FMNL3: variants seen among roughly 807,000 people sequenced by gnomAD.
FMNL3 encodes the protein formin-like protein 3.
FMNL3 carries 57 observed loss-of-function variants against 119.6 expected under a neutral mutation model. The ratio of observed to expected loss-of-function variants is 0.48; its 90% confidence interval spans 0.39 to 0.59. The LOEUF (loss-of-function observed/expected upper bound fraction) is 0.59, where lower values mean the gene tolerates loss of function less well. FMNL3 is among the 20% of genes least tolerant of loss of function. The pLI, the probability that FMNL3 is intolerant of heterozygous loss-of-function variation, is 0.00. For synonymous variants in FMNL3, 491 were observed against 507.3 expected, an observed-to-expected ratio of 0.97 and a Z score of 0.43; for missense variants, 1,053 against 1,323.5, an observed-to-expected ratio of 0.80 and a Z score of 3.17.
intron 9 of FMNL3, among the ~76,000 whole-genome samples, chr12:49,655,520 G>T (rs950090852): frequency 2.6e-5 from 4 of 152,200 alleles, no homozygotes; most frequent in African/African-American, 9.7e-5. Context: ...AGTAAAGCCT[G>T]TGCCCTTAAG....
At chr12:49,693,160 G>A (rs763546707) in intron 1 of FMNL3, among the ~76,000 whole-genome samples, 1 of 152,142 alleles carries the variant, frequency 6.6e-6, no homozygotes, top group African/African-American at 2.4e-5. Context: ...AGGGAATGAT[G>A]CTATTTAATT....
intron 1 of FMNL3, among the ~76,000 whole-genome samples, chr12:49,698,470 G>A: frequency 6.6e-6 from 1 of 151,190 alleles, no homozygotes. Context: ...TATAAACTAA[G>A]AAGAGTATGC....
In FMNL3 at chr12:49,638,931, A is replaced by G. The variant is rs548578177; in HGVS notation, c.*6884T>C. 6.6e-6 allele frequency: 1 copy of G among 152,350 alleles called. No homozygotes were observed. Among genetic ancestry groups the G allele is most frequent in the Admixed American group, 6.5e-5 (1 of 15,310 alleles). 9.4% of individuals were successfully genotyped at this position (152,350 alleles called of 1,614,324 possible). ...CTTTGAAGTACTGTTTTGCCTTACA[A>G]ATTCACGTAGGTGTTGCATTTTAAC... On this transcript the variant is annotated 3_prime_UTR_variant, in exon 26 of 26. Coordinates refer to ENST00000335154, the MANE Select transcript of FMNL3 (RefSeq NM_175736.5).
Position 49,643,196 on chromosome 12 carries a change from C to T in FMNL3, c.*2619G>A, listed in dbSNP as rs1460679573. The T allele has an allele frequency of 6.2e-7, 1 of 1,612,994 alleles. No individual in the cohort carries two copies. Among genetic ancestry groups the T allele is most frequent in the Non-Finnish European group, 8.5e-7 (1 of 1,179,634 alleles). ...TTCTGGAGGGCAGAGAACCTCTGCACTGACATGTATCTGCTGATCTGCCCA... is the reference window on the plus strand; with the variant it reads ...TTCTGGAGGGCAGAGAACCTCTGCATTGACATGTATCTGCTGATCTGCCCA... On this transcript the variant is annotated 3_prime_UTR_variant, in exon 26 of 26. Coordinates refer to ENST00000335154, the MANE Select transcript of FMNL3 (RefSeq NM_175736.5).
intron 1 of FMNL3, among the ~76,000 whole-genome samples, chr12:49,676,394 T>G (rs1421103056): frequency 6.6e-6 from 1 of 152,162 alleles, no homozygotes; most frequent in Non-Finnish European, 1.5e-5. Context: ...GGACGAACCT[T>G]CAACAACTAT....
At chr12:49,658,367 C>A in intron 6 of FMNL3, 75 bp downstream of exon 6, 1 of 1,497,524 alleles carries the variant, frequency 6.7e-7, no homozygotes, top group Non-Finnish European at 8.9e-7. Flanking sequence ...GGAGCATGAG[C>A]ACTCACTGCT....
chr12:49,696,267 T>C (rs1251178224), intron 1 of FMNL3, among the ~76,000 whole-genome samples: 2 of 152,286 alleles, frequency 1.3e-5, no homozygotes, highest in Middle Eastern at 3.4e-3. Context: ...TCAGTATATG[T>C]GGGGAATTGG....
intron 1 of FMNL3, among the ~76,000 whole-genome samples, chr12:49,688,970 G>A (rs1944536192): frequency 6.6e-6 from 1 of 152,128 alleles, no homozygotes; most frequent in African/African-American, 2.4e-5. Context: ...AGGCAAAAAT[G>A]GGCTGGGCAT....
intron 14 of FMNL3, among the ~76,000 whole-genome samples, 164 bp downstream of exon 14, chr12:49,651,769 G>T (rs1413309390): frequency 6.6e-6 from 1 of 152,212 alleles, no homozygotes; most frequent in Non-Finnish European, 1.5e-5. Flanking sequence ...GATAACTTGA[G>T]CTTCCCTCAG....
intron 1 of FMNL3, among the ~76,000 whole-genome samples, chr12:49,691,493 T>C (rs541894709): frequency 6.6e-6 from 1 of 152,320 alleles, no homozygotes; most frequent in South Asian, 2.1e-4. Flanking sequence ...TGACAGAGAC[T>C]AAAAATACAT....
At position 49,642,618 on chromosome 12, in the gene FMNL3, G is replaced by C; in HGVS notation, c.*3197C>G. 1 of 1,614,242 alleles carries C rather than the reference G, an allele frequency of 6.2e-7. No homozygotes were observed. Among genetic ancestry groups the C allele is most frequent in the South Asian group, 1.1e-5 (1 of 91,088 alleles). On this transcript the variant is annotated 3_prime_UTR_variant, in exon 26 of 26. Coordinates refer to ENST00000335154, the MANE Select transcript of FMNL3 (RefSeq NM_175736.5). This position sits in a 1 kb window ranked among gnomAD's most constrained non-coding sequence, Gnocchi z 5.8. ...TTGTGTGTGACTCAGCCTTTGAGCA[G>C]ATCACCCTGGAGTCGGAGCGGATCC...
In FMNL3 at chr12:49,658,516, G is replaced by T; in HGVS notation, c.531C>A (p.Asp177Glu). ...CCGACAGGGCGCTGGGTGGCTGCAGGTCCTCGATTGACCTGCTCCAGGACC... is the reference window on the plus strand; with the variant it reads ...CCGACAGGGCGCTGGGTGGCTGCAGTTCCTCGATTGACCTGCTCCAGGACC... ...KLRSWSRSIE[D>E]LQPPSALSAP... Residue 177 changes from aspartate to glutamate, a missense_variant, in exon 6 of 26, where the codon GAC becomes GAA. Physicochemically the swap from Asp to Glu is conservative, Grantham distance 45. Transcript: ENST00000335154. 5 of 1,613,694 alleles carry T rather than the reference G, an allele frequency of 3.1e-6. No homozygotes were observed. The highest frequency in any genetic ancestry group is 4.2e-6 in the Non-Finnish European group (5 of 1,179,738).
intron 1 of FMNL3, among the ~76,000 whole-genome samples, chr12:49,695,583 C>T (rs1177826243): frequency 2.0e-5 from 3 of 152,106 alleles, no homozygotes; most frequent in African/African-American, 7.2e-5. Context: ...TCAAAGTACG[C>T]GGCATACATC....
Position 49,642,018 on chromosome 12 carries a change from C to CA in FMNL3, c.*3796dup. On this transcript the variant is annotated 3_prime_UTR_variant, in exon 26 of 26. Transcript: ENST00000335154. The surrounding 1 kb of genome is among the most constrained non-coding windows in gnomAD (Gnocchi z 5.8). ...ACGCAGGCAACATCAAGCTGACCTT[C>CA]AATAGTGTGAGGGGCTGGGCGGGGC... is the stretch of plus-strand genomic sequence containing the variant. 1 of 1,612,322 alleles carries CA rather than the reference C, an allele frequency of 6.2e-7. No homozygotes were observed. Among genetic ancestry groups the CA allele is most frequent in the Non-Finnish European group, 8.5e-7 (1 of 1,179,696 alleles).
At chr12:49,682,128 T>C (rs1411099147) in intron 1 of FMNL3, among the ~76,000 whole-genome samples, 2 of 151,438 alleles carry the variant, frequency 1.3e-5, no homozygotes, top group Non-Finnish European at 2.9e-5. Context: ...TGGAGTGCAG[T>C]GGCTAGATCT....
Position 49,642,143 on chromosome 12 carries a change from G to C in FMNL3, c.*3672C>G. ...TTCAGGGGATGGTGGTAGAAGCCCA[G>C]ACCCTAACTTTCCACCTCCTAAGGT... is the stretch of plus-strand genomic sequence containing the variant. On this transcript the variant is annotated 3_prime_UTR_variant, in exon 26 of 26. Transcript: ENST00000335154. The surrounding 1 kb of genome is among the most constrained non-coding windows in gnomAD (Gnocchi z 5.8). 6.2e-7 allele frequency: 1 copy of C among 1,607,644 alleles called. No homozygotes were observed. Among genetic ancestry groups the C allele is most frequent in the Non-Finnish European group, 8.5e-7 (1 of 1,175,746 alleles).
Position 49,653,264 on chromosome 12 carries a change from G to C in FMNL3, c.1285C>G (p.Gln429Glu), listed in dbSNP as rs1273077626. ...AGTTCCTTCTCCCGCTGTAGCAGCTGCTTCTCTAGTTCTGCCACCCGCATC... is the reference window on the plus strand; with the variant it reads ...AGTTCCTTCTCCCGCTGTAGCAGCTCCTTCTCTAGTTCTGCCACCCGCATC... ...NMMRVAELEK[Q>E]LLQREKELES... The change falls in exon 13 of 26, where the codon CAG becomes GAG. Residue 429 changes from glutamine to glutamate, a missense_variant. This residue lies in a region of FMNL3 where 445 missense variants were observed against 628.4 expected (regional missense o/e 0.71). Coordinates refer to ENST00000335154, the MANE Select transcript of FMNL3 (RefSeq NM_175736.5). 6.2e-7 allele frequency: 1 copy of C among 1,614,114 alleles called. No homozygotes were observed. Among genetic ancestry groups the C allele is most frequent in the Admixed American group, 1.7e-5 (1 of 60,022 alleles).
In FMNL3 at chr12:49,648,342, T is replaced by C. The variant is rs746913139; in HGVS notation, c.2527A>G (p.Asn843Asp). ...AGCTCCTTCACGTCCAGCAGCACGT[T>C]CTCCAGGGACACTGGTCACCAAAAG... ...VEKAAAVSLENVLLDVKELGR... is the reference protein window; with the variant it reads ...VEKAAAVSLEDVLLDVKELGR... Residue 843 changes from asparagine to aspartate, a missense_variant, in exon 22 of 26, where the codon AAC becomes GAC. By Grantham distance (23) the Asn-to-Asp change is conservative. Transcript: ENST00000335154. 1 of 1,611,706 alleles carries C rather than the reference T, an allele frequency of 6.2e-7. No individual in the cohort carries two copies. The highest frequency in any genetic ancestry group is 2.2e-5 in the East Asian group (1 of 44,756).
rs763770648 is a variant in FMNL3, at chr12:49,668,510, C to T, written c.171G>A (p.Gln57=). ...GATCCCATTTCTTCTCATTGTCATA[C>T]TGCCGCAGGAGCCGGGCCTTGTCTG... is the stretch of plus-strand genomic sequence containing the variant. The part of the protein sequence containing the change: ...LPPDKARLLR[Q]YDNEKKWDLI... The change falls in exon 2 of 26, where the codon CAG becomes CAA. Residue 57 remains glutamine, a synonymous_variant. Coordinates refer to ENST00000335154, the MANE Select transcript of FMNL3 (RefSeq NM_175736.5). 3 of 1,614,064 alleles carry T rather than the reference C, an allele frequency of 1.9e-6. No homozygotes were observed. Among genetic ancestry groups the T allele is most frequent in the Non-Finnish European group, 2.5e-6 (3 of 1,180,042 alleles).
Sources: allele counts gnomAD v4.1 joint callset (sites outside exome capture counted in the v4.1 genomes callset), GRCh38; gene constraint gnomAD v4.1.1; regional missense constraint gnomAD v4.1.1; non-coding constraint Gnocchi (gnomAD v3.1); transcripts MANE v1.5; gene names NCBI Gene and HGNC (gene_info 2026-07-23, HGNC 2026-07-21).